The following DNHD1 variants were observed in gnomAD, a reference collection of about 807,000 sequenced individuals.
DNHD1 encodes dynein heavy chain domain-containing protein 1.
Under a neutral mutation model 458.1 loss-of-function variants are expected in DNHD1, and 383 were observed. The observed-to-expected ratio is 0.84, with a 90% confidence interval of 0.77 to 0.91. The LOEUF (loss-of-function observed/expected upper bound fraction) is 0.91. DNHD1 is among the 40% of genes least tolerant of loss of function. The pLI is 0.00. For missense variants in DNHD1, 5,336 were observed against 5,866.1 expected (o/e 0.91, Z 2.95); for synonymous variants, 2,203 against 2,376.9 (o/e 0.93, Z 2.13).
At position 6,563,386 on chromosome 11, in the gene DNHD1, G is replaced by A. The variant is rs1853624889; in HGVS notation, c.9674G>A (p.Ser3225Asn). 1 of 1,551,592 alleles carries A rather than the reference G, an allele frequency of 6.4e-7. No individual in the cohort carries two copies. The highest frequency in any genetic ancestry group is 8.7e-7 in the Non-Finnish European group (1 of 1,146,974). Reference protein sequence around the residue: ...AQREAFLEQMSKAFLEPLSQL... With the variant: ...AQREAFLEQMNKAFLEPLSQL... ...AGGGTATCTCTCCTCATTTAGATGA[G>A]CAAGGCATTTCTGGAGCCTCTGAGC... Residue 3225 changes from serine to asparagine, a missense_variant, in exon 30 of 43, where the codon AGC becomes AAC. Around this residue, in one of 4 missense-constraint regions of DNHD1, gnomAD observed 3,932 missense variants for 4,365.6 expected, o/e 0.90. Coordinates refer to ENST00000254579, the MANE Select transcript of DNHD1 (RefSeq NM_144666.3).
chr11:6,527,006 T>G (rs564053572), intron 10 of DNHD1, among the ~76,000 whole-genome samples: 8 of 152,362 alleles, frequency 5.3e-5, no homozygotes, highest in African/African-American at 1.9e-4. Context: ...AGGTTGCAGA[T>G]GGTTTGACCC....
chr11:6,554,817 T>C (rs1853428017), intron 24 of DNHD1, among the ~76,000 whole-genome samples: 1 of 152,202 alleles, frequency 6.6e-6, no homozygotes, highest in Admixed American at 6.5e-5. Flanking sequence ...TGTAAAATGG[T>C]ACATCCACTA....
intron 21 of DNHD1, 77 bp downstream of exon 21, chr11:6,547,743 G>A (rs754345237): frequency 9.6e-5 from 142 of 1,478,594 alleles, no homozygotes; most frequent in Middle Eastern, 2.0e-4. Context: ...AGCCTGGGGC[G>A]TGTGTTCTTT....
At chr11:6,552,787 T>A (rs1263966950) in intron 24 of DNHD1, among the ~76,000 whole-genome samples, 1 of 152,016 alleles carries the variant, frequency 6.6e-6, no homozygotes, top group Non-Finnish European at 1.5e-5. Context: ...ATATGGGGAT[T>A]ACAATTCAAG....
intron 19 of DNHD1, 39 bp from the exon 20 acceptor site, chr11:6,544,535 T>C: frequency 3.3e-6 from 5 of 1,498,876 alleles, no homozygotes; most frequent in Non-Finnish European, 3.6e-6. Flanking sequence ...GGTAGAACCC[T>C]AGTGTTTCCC....
intron 3 of DNHD1, 62 bp from the exon 4 acceptor site, chr11:6,502,691 C>A: frequency 1.4e-6 from 2 of 1,459,084 alleles, no homozygotes; most frequent in Middle Eastern, 1.9e-4. Context: ...GTGGCAAGGC[C>A]TCCCTCTAAG....
rs1177110524 is a variant in DNHD1 at position 6,547,975 on chromosome 11, C to T, written c.6840C>T (p.His2280=). The T allele has an allele frequency of 1.0e-5, 16 of 1,551,684 alleles. No individual in the cohort carries two copies. Among genetic ancestry groups the T allele is most frequent in the Non-Finnish European group, 8.7e-7 (1 of 1,147,012 alleles). The change falls in exon 22 of 43, where the codon CAC becomes CAT. Residue 2280 remains histidine (H), a synonymous_variant. Transcript: ENST00000254579. ...ATGTGCCAGATAAGTGCAGGGAACA[C>T]TTGCTGGCTGTCAGCAGTTTTCTTT... The part of the protein sequence containing the change: ...SDDVPDKCRE[H]LLAVSSFLFA...
In DNHD1 at chr11:6,545,688, T is replaced by A; in HGVS notation, c.4749T>A (p.Asp1583Glu). 2 of 1,551,718 alleles carry A rather than the reference T, an allele frequency of 1.3e-6. No individual in the cohort carries two copies. Among genetic ancestry groups the A allele is most frequent in the Non-Finnish European group, 1.7e-6 (2 of 1,147,004 alleles). Residue 1583 changes from aspartate to glutamate, a missense_variant, in exon 21 of 43, where the codon GAT (aspartate) becomes GAA (glutamate). Asp to Glu is a conservative substitution (Grantham distance 45). Transcript: ENST00000254579. This position sits in a 1 kb window ranked among gnomAD's most constrained non-coding sequence, Gnocchi z 4.9. ...TGGTCATGGCAGTGACTCACCGGGA[T>A]ATAGCACAGCTGCTGGAACAGCACC... is the stretch of plus-strand genomic sequence containing the variant. ...ALLVMAVTHRDIAQLLEQHQV... is the reference protein window; with the variant it reads ...ALLVMAVTHREIAQLLEQHQV...
chr11:6,565,785 A>C lies in DNHD1; in HGVS notation c.10847A>C (p.Asp3616Ala). ...DESEESNEAE[D>A]QTKEQKAEER... is the part of the protein sequence containing the mutation. ...AGTGAAGAGAGTAATGAGGCTGAGG[A>C]CCAGACAAAAGAGCAGAAGGCAGAG... Residue 3616 changes from aspartate (D) to alanine (A), a missense_variant, in exon 33 of 43, where the codon GAC becomes GCC. By Grantham distance (126) the Asp-to-Ala change is moderately radical. This residue lies in a region of DNHD1 where 695 missense variants were observed against 804.2 expected (regional missense o/e 0.86). Coordinates refer to ENST00000254579, the MANE Select transcript of DNHD1 (RefSeq NM_144666.3). 6.4e-7 allele frequency: 1 copy of C among 1,551,708 alleles called. No homozygotes were observed. Among genetic ancestry groups the C allele is most frequent in the Non-Finnish European group, 8.7e-7 (1 of 1,146,992 alleles).
intron 7 of DNHD1, 121 bp downstream of exon 7, chr11:6,511,550 C>A: frequency 3.1e-6 from 4 of 1,308,728 alleles, no homozygotes; most frequent in African/African-American, 1.5e-5. Context: ...ACAGTTGAAT[C>A]AGAGCCATTT....
rs147442229 is a variant in DNHD1 at position 6,548,841 on chromosome 11, G to A, written c.7295G>A (p.Gly2432Asp). ...CTCCTGCTGAGCAGAGGAATCCAGG[G>A]CCAAACACAAGCCAGCCCACAGCCT... The part of the protein sequence containing the change: ...LRLLLSRGIQ[G>D]QTQASPQPGH... Residue 2432 changes from glycine (G) to aspartate (D), a missense_variant, in exon 24 of 43, where the codon GGC (glycine) becomes GAC (aspartate). Around this residue, in one of 4 missense-constraint regions of DNHD1, gnomAD observed 3,932 missense variants for 4,365.6 expected, o/e 0.90. Coordinates refer to ENST00000254579, the MANE Select transcript of DNHD1 (RefSeq NM_144666.3). The surrounding 1 kb of genome is among the most constrained non-coding windows in gnomAD (Gnocchi z 4.4). 9.5e-4 allele frequency: 1,467 copies of A among 1,551,636 alleles called. 9 individuals carry two copies. In the African/African-American group the frequency reaches 0.016, roughly 17 times the overall value.
chr11:6,531,823 C>G (rs137968148), intron 12 of DNHD1, among the ~76,000 whole-genome samples: 1 of 152,074 alleles, frequency 6.6e-6, no homozygotes, highest in South Asian at 2.1e-4. Flanking sequence ...AATAGAGGAT[C>G]GGTCAGTTTA....
chr11:6,511,945 G>T (rs1852341769), intron 7 of DNHD1, among the ~76,000 whole-genome samples: 1 of 152,146 alleles, frequency 6.6e-6, no homozygotes. Flanking sequence ...CTATTATCAT[G>T]GTTTGTTGTC....
chr11:6,533,333 C>A, intron 13 of DNHD1, 149 bp downstream of exon 13: 3 of 899,908 alleles, frequency 3.3e-6, no homozygotes, highest in Non-Finnish European at 4.9e-6. Flanking sequence ...CTTGCTAATT[C>A]TTACCCTGTC....
In DNHD1 at chr11:6,568,536, T is replaced by C; in HGVS notation, c.12621T>C (p.Leu4207=). Residue 4207 remains leucine (L), a synonymous_variant, in exon 38 of 43, where the codon CTT becomes CTC. Coordinates refer to ENST00000254579, the MANE Select transcript of DNHD1 (RefSeq NM_144666.3). ...GCACTGTTCACAGAGATTTTCGTCT[T>C]TGGCTTATTGTGCCTGCAGAGTCTA... ...NVSTVHRDFR[L]WLIVPAESSA... is the part of the protein sequence containing the mutation. 6.2e-7 allele frequency: 1 copy of C among 1,614,038 alleles called. No individual in the cohort carries two copies. The highest frequency in any genetic ancestry group is 1.1e-5 in the South Asian group (1 of 91,080).
In DNHD1 at chr11:6,564,782, G is replaced by A. The variant is rs757038147; in HGVS notation, c.10734G>A (p.Ala3578=). The part of the protein sequence containing the change: ...PLPLEENRSF[A]PALTEGRGKG... ...CTCTGGAAGAGAATCGATCTTTTGC[G>A]CCAGCCCTCACTGAGGGTAGAGGTA... The change falls in exon 32 of 43, where the codon GCG becomes GCA. Residue 3578 remains alanine, a synonymous_variant. Coordinates refer to ENST00000254579, the MANE Select transcript of DNHD1 (RefSeq NM_144666.3). 63 of 1,533,090 alleles carry A rather than the reference G, an allele frequency of 4.1e-5. 1 individual carries two copies. The highest frequency in any genetic ancestry group is 1.4e-4 in the South Asian group (12 of 83,006). The allele number at this position is 1,533,090 out of a possible 1,614,324, so 95.0% of individuals were successfully genotyped here.
Position 6,519,981 on chromosome 11 carries a change from C to A in DNHD1, c.1664C>A (p.Pro555His), listed in dbSNP as rs537598476. 6.2e-7 allele frequency: 1 copy of A among 1,614,168 alleles called. No homozygotes were observed. Among genetic ancestry groups the A allele is most frequent in the African/African-American group, 1.3e-5 (1 of 75,030 alleles). ...ANILQAPRQK[P>H]FLSSQLVFDD... is the part of the protein sequence containing the mutation. The stretch of plus-strand genomic sequence containing the variant: ...TTTTTACAGGCCCCAAGGCAGAAAC[C>A]CTTTCTCTCATCACAGCTGGTCTTT... Residue 555 changes from proline to histidine, a missense_variant, in exon 9 of 43, where the codon CCC becomes CAC. Pro to His is a moderately conservative substitution (Grantham distance 77). Around this residue, in one of 4 missense-constraint regions of DNHD1, gnomAD observed 3,932 missense variants for 4,365.6 expected, o/e 0.90. Transcript: ENST00000254579.
At position 6,505,985 on chromosome 11, in the gene DNHD1, A is replaced by G. The variant is rs1450893746; in HGVS notation, c.921-2895A>G. On this transcript the variant is annotated intron_variant, in intron 4 of 42. Coordinates refer to ENST00000254579, the MANE Select transcript of DNHD1 (RefSeq NM_144666.3). The surrounding 1 kb of genome is among the most constrained non-coding windows in gnomAD (Gnocchi z 4.4). ...TAAACTATCAGCATCTTTTATAATTAGAGAAGCATCTCGATCAAAGACAGT... is the reference window on the plus strand; with the variant it reads ...TAAACTATCAGCATCTTTTATAATTGGAGAAGCATCTCGATCAAAGACAGT... 6.6e-6 allele frequency among the ~76,000 whole-genome samples: 1 copy of G among 152,238 alleles called. No homozygotes were observed. Among genetic ancestry groups the G allele is most frequent in the African/African-American group, 2.4e-5 (1 of 41,464 alleles).
rs905097132 is a variant in DNHD1, at chr11:6,559,226, C to T, written c.9462C>T (p.His3154=). 4.6e-5 allele frequency: 72 copies of T among 1,551,526 alleles called. No homozygotes were observed. The highest frequency in any genetic ancestry group is 5.5e-5 in the African/African-American group (4 of 73,006). Residue 3154 remains histidine, a synonymous_variant, in exon 28 of 43, where the codon CAC becomes CAT. Coordinates refer to ENST00000254579, the MANE Select transcript of DNHD1 (RefSeq NM_144666.3). ...ATCTGAGAATGCTGATTAAGGAGCA[C>T]GGTACCCATGCCAATCTGATCTTTG... ...LENLRMLIKE[H]GTHANLIFDL...
Sources: allele counts gnomAD v4.1 joint callset (sites outside exome capture counted in the v4.1 genomes callset), GRCh38; gene constraint gnomAD v4.1.1; regional missense constraint gnomAD v4.1.1; non-coding constraint Gnocchi (gnomAD v3.1); transcripts MANE v1.5; gene names NCBI Gene and HGNC (gene_info 2026-07-23, HGNC 2026-07-21).